The following JAK1 variants were observed in gnomAD, a reference collection of about 807,000 sequenced individuals.
JAK1 encodes tyrosine-protein kinase JAK1.
A neutral mutation model predicts 136.6 loss-of-function variants in JAK1; 16 were observed. The ratio of observed to expected loss-of-function variants is 0.12; its 90% CI spans 0.08 to 0.18. The LOEUF is 0.18. Ranked by LOEUF, JAK1 falls within the 10% of genes least tolerant of loss-of-function variation. The pLI is 1.00. For missense variants in JAK1, 859 were observed against 1,450.1 expected (o/e 0.59, Z 6.62); for synonymous variants, 492 against 519.5 (o/e 0.95, Z 0.72).
Position 65,018,928 on chromosome 1 carries a change from G to A in JAK1, c.-78+25552C>T, listed in dbSNP as rs1646914348. Among the ~76,000 whole-genome samples the A allele has an allele frequency of 3.9e-5, 6 of 152,016 alleles. No homozygotes were observed. The South Asian group carries it at 1.2e-3, about 32-fold the overall frequency. Reference sequence around the variant, plus strand: ...CGGGAGGCTGAGGCAGGAGAACGGGGTGAACCCAGGAGGCGGAGCTTGCAG... The same window carrying A: ...CGGGAGGCTGAGGCAGGAGAACGGGATGAACCCAGGAGGCGGAGCTTGCAG... On this transcript the variant is annotated intron_variant, in intron 2 of 25. Coordinates refer to the JAK1 transcript ENST00000671954.
chr1:64,955,677 T>C (rs2100600924), intron 1 of JAK1, among the ~76,000 whole-genome samples: 1 of 152,280 alleles, frequency 6.6e-6, no homozygotes, highest in Admixed American at 6.5e-5. Context: ...GAAAGATAAA[T>C]ACAGCATGTG....
In JAK1 at chr1:64,834,564, A is replaced by G. The variant is rs200563303; in HGVS notation, c.3463T>C (p.Ter1155GlnextTer3). 2.9e-4 allele frequency: 455 copies of G among 1,588,604 alleles called. 4 individuals are homozygous for G. The South Asian group carries it at 4.7e-3, about 16-fold the overall frequency. The change falls in exon 25 of 25, where the codon TAA (stop) becomes CAA (glutamine). Residue 1155 changes from the stop codon to glutamine, a stop_lost. Coordinates refer to ENST00000342505, the MANE Select transcript of JAK1 (RefSeq NM_002227.4). ...AATTTAAATGTTATTCATGCTTCTT[A>G]TTTTAAAAGTGCTTCAAATCCTTCA... ...LIEGFEALLK[*>Q]
intron 2 of JAK1, among the ~76,000 whole-genome samples, chr1:65,042,611 G>C (rs1260542581): frequency 6.6e-6 from 1 of 152,302 alleles, no homozygotes; most frequent in African/African-American, 2.4e-5. Flanking sequence ...CAACCTTATG[G>C]AATAGCTGTC....
intron 1 of JAK1, among the ~76,000 whole-genome samples, chr1:64,909,118 T>C (rs561678261): frequency 6.6e-6 from 1 of 152,226 alleles, no homozygotes; most frequent in Non-Finnish European, 1.5e-5. Flanking sequence ...TACCAAACTA[T>C]CTGGATGCAA....
rs191932567 is a variant in JAK1, at chr1:64,874,511, C to T, written c.330-988G>A. On this transcript the variant is annotated intron_variant, in intron 4 of 24. Coordinates refer to ENST00000342505, the MANE Select transcript of JAK1 (RefSeq NM_002227.4). ...TATGTTTTGGAGGGTCAAAGTTATG[C>T]ATGGATTGTCAATTGCACAGGGGGT... is the stretch of plus-strand genomic sequence containing the variant. Among the ~76,000 whole-genome samples, 303 of 152,140 alleles carry T rather than the reference C, an allele frequency of 2.0e-3. 1 individual carries two copies. Among genetic ancestry groups the T allele is most frequent in the Middle Eastern group, 3.4e-3 (1 of 292 alleles).
At chr1:64,865,068 G>A (rs547831901) in intron 7 of JAK1, 96 bp from the exon 8 acceptor site, 2 of 943,454 alleles carry the variant, frequency 2.1e-6, no homozygotes, top group East Asian at 2.5e-5. Flanking sequence ...CAGGGCCTAG[G>A]TCCAAGGAAG....
At chr1:64,849,591 A>T (rs1365106783) in intron 12 of JAK1, among the ~76,000 whole-genome samples, 1 of 152,200 alleles carries the variant, frequency 6.6e-6, no homozygotes, top group Non-Finnish European at 1.5e-5. Flanking sequence ...GTACTTCCCT[A>T]CTTTGGAACT....
chr1:64,857,463 G>A (rs1455056371), intron 10 of JAK1, among the ~76,000 whole-genome samples, 193 bp downstream of exon 10: 1 of 152,162 alleles, frequency 6.6e-6, no homozygotes, highest in African/African-American at 2.4e-5. Flanking sequence ...AGGATGCAGG[G>A]GTCTGGCTAC....
chr1:64,861,339 A>C (rs1290272258), intron 8 of JAK1, among the ~76,000 whole-genome samples: 1 of 152,128 alleles, frequency 6.6e-6, no homozygotes, highest in Non-Finnish European at 1.5e-5. Context: ...TGTCTTACTC[A>C]GAGTGGGAAG....
intron 2 of JAK1, among the ~76,000 whole-genome samples, chr1:64,982,595 TC>T (rs1323162408): frequency 6.6e-6 from 1 of 152,134 alleles, no homozygotes; most frequent in Non-Finnish European, 1.5e-5. Flanking sequence ...CTCTCCCCAG[TC>T]CCTTAATGAC....
intron 11 of JAK1, among the ~76,000 whole-genome samples, chr1:64,853,214 G>A (rs961663748): frequency 4.4e-4 from 67 of 152,334 alleles, no homozygotes; most frequent in African/African-American, 1.5e-3. Flanking sequence ...AAAGGGAAGA[G>A]AGAGAGCTTT....
chr1:65,037,389 C>A (rs1647084675), intron 2 of JAK1, among the ~76,000 whole-genome samples: 1 of 152,064 alleles, frequency 6.6e-6, no homozygotes, highest in Non-Finnish European at 1.5e-5. Flanking sequence ...ACTCCTCCTG[C>A]CTCAGCCTCC....
chr1:64,885,544 G>A (rs1400048547), intron 2 of JAK1, among the ~76,000 whole-genome samples: 5 of 152,124 alleles, frequency 3.3e-5, no homozygotes, highest in African/African-American at 4.8e-5. Flanking sequence ...ACGAGGTCAC[G>A]AGATTGAGAC....
rs572559595 is a variant in JAK1 at position 64,864,877 on chromosome 1, C to T, written c.1086G>A (p.Glu362=). 1.5e-5 allele frequency: 25 copies of T among 1,613,808 alleles called. No individual in the cohort carries two copies. In the Admixed American group the frequency reaches 3.3e-4, roughly 22 times the overall value. Residue 362 remains glutamate (E), a synonymous_variant, in exon 8 of 25, where the codon GAG becomes GAA. Transcript: ENST00000342505. Reference sequence around the variant, plus strand: ...CAGGGAAGTAAGAAAAATTGTTCCACTCTTCCCGGATCTTGTTTTTCTCCT... The same window carrying T: ...CAGGGAAGTAAGAAAAATTGTTCCATTCTTCCCGGATCTTGTTTTTCTCCT... ...KDEEKNKIRE[E]WNNFSYFPEI...
At chr1:64,977,823 G>C (rs773875367) in intron 2 of JAK1, among the ~76,000 whole-genome samples, 1 of 151,894 alleles carries the variant, frequency 6.6e-6, no homozygotes, top group African/African-American at 2.4e-5. Context: ...GTACATATGT[G>C]TTATCTCATT....
intron 2 of JAK1, among the ~76,000 whole-genome samples, chr1:65,021,882 G>T (rs1036599836): frequency 6.6e-6 from 1 of 152,082 alleles, no homozygotes; most frequent in Non-Finnish European, 1.5e-5. Flanking sequence ...TACAACAATG[G>T]AACTAGAAGC....
At chr1:65,050,831 T>C (rs558143001) in intron 1 of JAK1, among the ~76,000 whole-genome samples, 2 of 152,328 alleles carry the variant, frequency 1.3e-5, no homozygotes, top group African/African-American at 4.8e-5. Flanking sequence ...TGGACTCAAA[T>C]GCCTGCTTCA....
At chr1:64,865,304 T>C (rs1274307283) in intron 7 of JAK1, among the ~76,000 whole-genome samples, 1 of 152,196 alleles carries the variant, frequency 6.6e-6, no homozygotes, top group African/African-American at 2.4e-5. Flanking sequence ...ACTTCCAGAC[T>C]ACTACACATG....
At chr1:64,835,371 T>C (rs560573996) in intron 24 of JAK1, 25 bp downstream of exon 24, 2 of 1,242,820 alleles carry the variant, frequency 1.6e-6, no homozygotes, top group East Asian at 2.4e-5. Context: ...TGGAGTGTTA[T>C]TACTGTGACG....
Sources: gnomAD v4.1 joint callset for allele counts (sites outside exome capture counted in the v4.1 genomes callset) on GRCh38, gnomAD v4.1.1 for gene constraint, MANE v1.5 for transcripts, NCBI Gene and HGNC (gene_info 2026-07-23, HGNC 2026-07-21) for gene names.